The following CLCC1 variants were observed in gnomAD, a reference collection of about 807,000 sequenced individuals.
CLCC1 encodes the protein chloride channel CLIC like 1.
CLCC1 carries 39 observed loss-of-function variants against 63.3 expected under a neutral mutation model. The ratio of observed to expected loss-of-function variants is 0.62; its 90% CI spans 0.48 to 0.81. The LOEUF is 0.81. Ranked by LOEUF, CLCC1 falls within the 30% of genes least tolerant of loss-of-function variation. CLCC1 has a pLI of 0.00. For synonymous variants in CLCC1, 217 were observed against 239.8 expected, an observed-to-expected ratio of 0.90 and a Z score of 0.88; for missense variants, 549 against 669.4, an observed-to-expected ratio of 0.82 and a Z score of 1.98.
intron 3 of CLCC1, 49 bp downstream of exon 3, chr1:108,950,260 T>A (rs1295370085): frequency 6.4e-7 from 1 of 1,571,660 alleles, no homozygotes; most frequent in East Asian, 2.3e-5. Context: ...ACTGTTTCCA[T>A]CATGGGACTG....
chr1:108,944,730 C>T lies in CLCC1; in HGVS notation c.340-673G>A, dbSNP rs531541440. The stretch of plus-strand genomic sequence containing the variant: ...CTGCAAGCTCCACCTCCTGGGTTCA[C>T]GCCATTCTCCTGCCTCAGCCTCCCA... On this transcript the variant is annotated intron_variant, in intron 5 of 12. Transcript: ENST00000369969. 5.9e-5 allele frequency among the ~76,000 whole-genome samples: 9 copies of T among 151,824 alleles called. No homozygotes were observed. In the South Asian group the frequency reaches 1.5e-3, roughly 25 times the overall value.
chr1:108,962,041 C>T (rs12749153), intron 2 of CLCC1, among the ~76,000 whole-genome samples: 8,984 of 152,188 alleles, frequency 0.059, 360 homozygotes, highest in Non-Finnish European at 0.09. Flanking sequence ...CTGGCTCTAC[C>T]TAAACTGCCT....
At chr1:108,950,016 C>A in intron 3 of CLCC1, 95 bp from the exon 4 acceptor site, 1 of 764,962 alleles carries the variant, frequency 1.3e-6, no homozygotes, top group Non-Finnish European at 2.1e-6. Flanking sequence ...TTCATCATTT[C>A]ATGACTCTGC....
chr1:108,940,775 T>C (rs1038481162), intron 8 of CLCC1, among the ~76,000 whole-genome samples: 1 of 152,202 alleles, frequency 6.6e-6, no homozygotes, highest in Admixed American at 6.5e-5. Flanking sequence ...GAAGGCTGAA[T>C]TGGTTTAGTT....
intron 8 of CLCC1, 53 bp from the exon 9 acceptor site, chr1:108,940,195 A>G (rs778399031): frequency 7.8e-7 from 1 of 1,275,046 alleles, no homozygotes. Flanking sequence ...GTTGCATTTC[A>G]TTCCCAAACA....
At position 108,939,658 on chromosome 1, in the gene CLCC1, A is replaced by G. The variant is rs759184046; in HGVS notation, c.1019T>C (p.Ile340Thr). Residue 340 changes from isoleucine to threonine, a missense_variant, in exon 10 of 13, where the codon ATA (isoleucine) becomes ACA (threonine). Physicochemically the swap from Ile to Thr is moderately conservative, Grantham distance 89. Transcript: ENST00000369969. ...IPALLHLPVL[I>T]IMALAILSFC... Reference sequence around the variant, plus strand: ...AACCAGGATGGCTAATGCCATAATTATCAGCACTGGAAGATGAAGCAGCGC... The same window carrying G: ...AACCAGGATGGCTAATGCCATAATTGTCAGCACTGGAAGATGAAGCAGCGC... The G allele has an allele frequency of 3.1e-6, 5 of 1,613,982 alleles. No homozygotes were observed. Among genetic ancestry groups the G allele is most frequent in the Non-Finnish European group, 4.2e-6 (5 of 1,179,992 alleles).
rs535996305 is a variant in CLCC1 at position 108,943,867 on chromosome 1, G to T, written c.530C>A (p.Ser177Tyr). 10 of 1,613,578 alleles carry T rather than the reference G, an allele frequency of 6.2e-6. No individual in the cohort carries two copies. The highest frequency in any genetic ancestry group is 8.5e-6 in the Non-Finnish European group (10 of 1,179,626). The stretch of plus-strand genomic sequence containing the variant: ...CACATTATATGGATCCACTCCAAAG[G>T]AATCTTCGAATCGCCACTTCCATGT... The part of the protein sequence containing the change: ...FETWKWRFED[S>Y]FGVDPYNVLM... Residue 177 changes from serine to tyrosine, a missense_variant, in exon 6 of 13, where the codon TCC becomes TAC. Coordinates refer to ENST00000369969, the MANE Select transcript of CLCC1 (RefSeq NM_001377458.1).
At chr1:108,959,175 A>AAAATAAAT (rs572591868) in intron 2 of CLCC1, among the ~76,000 whole-genome samples, 1 of 152,096 alleles carries the variant, frequency 6.6e-6, no homozygotes, top group South Asian at 2.1e-4. Context: ...ACACCGTCTC[A>AAAATAAAT]AAATAAATAA....
chr1:108,950,553 G>T, intron 2 of CLCC1, 105 bp from the exon 3 acceptor site: 1 of 594,336 alleles, frequency 1.7e-6, no homozygotes, highest in Non-Finnish European at 2.4e-6. Context: ...ACAGGGTCTT[G>T]CTCTATTGCC....
At chr1:108,947,352 G>A (rs901541386) in intron 5 of CLCC1, among the ~76,000 whole-genome samples, 4 of 152,112 alleles carry the variant, frequency 2.6e-5, no homozygotes, top group Admixed American at 2.0e-4. Context: ...ATTAACTGGT[G>A]GAGCAGTGCA....
intron 5 of CLCC1, among the ~76,000 whole-genome samples, 198 bp downstream of exon 5, chr1:108,947,413 C>T (rs1006022633): frequency 2.0e-5 from 3 of 152,168 alleles, no homozygotes; most frequent in Admixed American, 6.5e-5. Context: ...GAGCGGTCTG[C>T]ACTGCTCATC....
intron 2 of CLCC1, among the ~76,000 whole-genome samples, chr1:108,953,124 C>G (rs896802548): frequency 5.3e-5 from 8 of 152,286 alleles, no homozygotes; most frequent in African/African-American, 1.9e-4. Flanking sequence ...CTATCTTATA[C>G]CTACTACATA....
chr1:108,948,295 C>A (rs766884953), intron 4 of CLCC1, among the ~76,000 whole-genome samples: 1 of 152,178 alleles, frequency 6.6e-6, no homozygotes, highest in Non-Finnish European at 1.5e-5. Flanking sequence ...GCAGCTTCTC[C>A]AGGGTACCAC....
At chr1:108,938,869 A>T (rs1261946669) in intron 10 of CLCC1, among the ~76,000 whole-genome samples, 3 of 152,194 alleles carry the variant, frequency 2.0e-5, no homozygotes, top group African/African-American at 7.2e-5. Context: ...TATTATTCTA[A>T]ATCACTGCTA....
At chr1:108,939,817 C>T (rs1279497230) in intron 9 of CLCC1, 35 bp from the exon 10 acceptor site, 1 of 1,604,690 alleles carries the variant, frequency 6.2e-7, no homozygotes, top group Non-Finnish European at 8.5e-7. Context: ...ATTTTCTCCT[C>T]ACAGGACTAA....
chr1:108,934,772 C>T lies in CLCC1; in HGVS notation c.1554G>A (p.Lys518=), dbSNP rs1176565453. Residue 518 remains lysine (K), a synonymous_variant, in exon 12 of 13, where the codon AAG becomes AAA. Coordinates refer to ENST00000369969, the MANE Select transcript of CLCC1 (RefSeq NM_001377458.1). ...GSPAAEKAQL[K]SEAAGSPDQG... Reference sequence around the variant, plus strand: ...GGTCTGGGCTGCCTGCGGCTTCAGACTTGAGCTGGGCCTTTTCCGCTGCGG... The same window carrying T: ...GGTCTGGGCTGCCTGCGGCTTCAGATTTGAGCTGGGCCTTTTCCGCTGCGG... 2 of 1,614,096 alleles carry T rather than the reference C, an allele frequency of 1.2e-6. No homozygotes were observed. The highest frequency in any genetic ancestry group is 1.7e-6 in the Non-Finnish European group (2 of 1,180,056).
At chr1:108,933,954 A>AT (rs1240219713) in intron 12 of CLCC1, 1 of 152,252 alleles carries the variant, frequency 6.6e-6, no homozygotes, top group African/African-American at 2.4e-5. Flanking sequence ...AATAGGTTTT[A>AT]TAAAAAGCCC....
At position 108,943,880 on chromosome 1, in the gene CLCC1, G is replaced by A. The variant is rs751319721; in HGVS notation, c.517C>T (p.Arg173Ter). ...TCCACTCCAAAGGAATCTTCGAATC[G>A]CCACTTCCATGTTTCAAAATCATGA... ...KFHDFETWKW[R>*]FEDSFGVDPY... The change falls in exon 6 of 13, where the codon CGA becomes TGA. Residue 173 changes from arginine (R) to a stop codon, truncating the protein, a stop_gained. Coordinates refer to ENST00000369969, the MANE Select transcript of CLCC1 (RefSeq NM_001377458.1). LOFTEE classifies it high-confidence loss of function. The A allele has an allele frequency of 2.7e-5, 44 of 1,613,534 alleles. No homozygotes were observed. The highest frequency in any genetic ancestry group is 6.7e-5 in the Admixed American group (4 of 59,972).
chr1:108,931,575 G>T lies in CLCC1; in HGVS notation c.*972C>A. The T allele has an allele frequency of 7.0e-7, 1 of 1,435,108 alleles. No homozygotes were observed. The highest frequency in any genetic ancestry group is 1.5e-5 in the South Asian group (1 of 67,938). The allele number at this position is 1,435,108 out of a possible 1,614,324, so 88.9% of individuals were successfully genotyped here. On this transcript the variant is annotated 3_prime_UTR_variant, in exon 13 of 13. Transcript: ENST00000369969. ...GGCAAATAGAACTATTTCTCTAATG[G>T]CCAATGTTTTTTAAGAGTCATAACC...
Sources: allele counts gnomAD v4.1 joint callset (sites outside exome capture counted in the v4.1 genomes callset), GRCh38; gene constraint gnomAD v4.1.1; transcripts MANE v1.5; gene names NCBI Gene and HGNC (gene_info 2026-07-23, HGNC 2026-07-21).